Variants in ENPEP observed in about 807,000 individuals in gnomAD.
The protein encoded by ENPEP is glutamyl aminopeptidase.
In ENPEP, 103 loss-of-function variants were observed where a neutral mutation model predicts 114.5. The ratio of observed to expected loss-of-function variants is 0.90; its 90% CI spans 0.77 to 1.06. ENPEP has a LOEUF of 1.06. ENPEP is among the 50% of genes least tolerant of loss of function. The pLI is 0.00. For missense variants in ENPEP, 1,196 were observed against 1,161.3 expected, an observed-to-expected ratio of 1.03 and a Z score of -0.43; for synonymous variants, 420 against 422.0, an observed-to-expected ratio of 1.00 and a Z score of 0.06.
chr4:110,493,581 A>T (rs17041826), intron 3 of ENPEP, among the ~76,000 whole-genome samples: 56,244 of 151,918 alleles, frequency 0.37, 11,108 homozygotes, highest in East Asian at 0.51. Context: ...CTGAAAAAAC[A>T]GTGGGGCCGT....
intron 11 of ENPEP, among the ~76,000 whole-genome samples, chr4:110,532,276 A>T (rs554944999): frequency 6.6e-6 from 1 of 152,256 alleles, no homozygotes; most frequent in East Asian, 1.9e-4. Flanking sequence ...AGCCTCCCAT[A>T]TGCCCAGCCC....
intron 18 of ENPEP, among the ~76,000 whole-genome samples, chr4:110,558,270 TTATA>T (rs5861011): frequency 0.54 from 75,961 of 141,434 alleles, 20,437 homozygotes; most frequent in Admixed American, 0.64. Context: ...TTTATAAAAA[TTATA>T]TATATATATA....
At chr4:110,545,203 T>C (rs1727010114) in intron 13 of ENPEP, among the ~76,000 whole-genome samples, 1 of 152,102 alleles carries the variant, frequency 6.6e-6, no homozygotes, top group Non-Finnish European at 1.5e-5. Context: ...CAAAGGAATG[T>C]AGTAACCATT....
At chr4:110,542,069 T>C (rs1320907866) in intron 11 of ENPEP, among the ~76,000 whole-genome samples, 1 of 152,130 alleles carries the variant, frequency 6.6e-6, no homozygotes, top group Non-Finnish European at 1.5e-5. Flanking sequence ...GGAAAAGTAT[T>C]GTTGTAACCA....
Position 110,491,048 on chromosome 4 carries a change from G to A in ENPEP, c.802G>A (p.Asp268Asn), listed in dbSNP as rs1339772379. The change falls in exon 3 of 20, where the codon GAT (aspartate) becomes AAT (asparagine). Residue 268 changes from aspartate to asparagine, a missense_variant. By Grantham distance (23) the Asp-to-Asn change is conservative. Coordinates refer to ENST00000265162, the MANE Select transcript of ENPEP (RefSeq NM_001977.4). ...NMPVAKEESV[D>N]DKWTRTTFEK... Reference sequence around the variant, plus strand: ...TTTTCAATAGAAAGAAGAGTCAGTGGATGATAAATGGACTCGAACAACTTT... The same window carrying A: ...TTTTCAATAGAAAGAAGAGTCAGTGAATGATAAATGGACTCGAACAACTTT... 11 of 1,610,024 alleles carry A rather than the reference G, an allele frequency of 6.8e-6. No individual in the cohort carries two copies. The highest frequency in any genetic ancestry group is 2.2e-5 in the South Asian group (2 of 89,778).
rs758750567 is a variant in ENPEP at position 110,549,630 on chromosome 4, A to G, written c.2328A>G (p.Val776=). Reference sequence around the variant, plus strand: ...TTGAGCAGTGGCTAAATGGGACTGTAAGGTGATTACTCACATTGTTATGCT... The same window carrying G: ...TTGAGCAGTGGCTAAATGGGACTGTGAGGTGATTACTCACATTGTTATGCT... The part of the protein sequence containing the change: ...SLFEQWLNGT[V]SLPVNLRLLV... The change falls in exon 16 of 20, where the codon GTA becomes GTG. Residue 776 remains valine, a splice_region_variant and synonymous_variant. Coordinates refer to ENST00000265162, the MANE Select transcript of ENPEP (RefSeq NM_001977.4). The G allele has an allele frequency of 1.2e-6, 2 of 1,613,472 alleles. No homozygotes were observed. Among genetic ancestry groups the G allele is most frequent in the Admixed American group, 3.3e-5 (2 of 59,916 alleles).
chr4:110,499,449 T>C (rs1397061335), intron 3 of ENPEP, among the ~76,000 whole-genome samples: 2 of 152,224 alleles, frequency 1.3e-5, no homozygotes, highest in Admixed American at 1.3e-4. Context: ...ATTTTTCTCA[T>C]GTATACAATG....
intron 2 of ENPEP, among the ~76,000 whole-genome samples, chr4:110,489,712 G>A (rs1724631846): frequency 6.6e-6 from 1 of 152,208 alleles, no homozygotes; most frequent in Admixed American, 6.5e-5. Context: ...GTTACCTAGA[G>A]TTTCATTGCC....
chr4:110,547,699 A>G (rs1727120457), intron 13 of ENPEP, among the ~76,000 whole-genome samples: 1 of 152,092 alleles, frequency 6.6e-6, no homozygotes. Flanking sequence ...AGGACAATAA[A>G]AGTTCAATTT....
chr4:110,539,345 T>A (rs980200281), intron 11 of ENPEP, among the ~76,000 whole-genome samples: 7 of 152,160 alleles, frequency 4.6e-5, no homozygotes, highest in African/African-American at 1.4e-4. Flanking sequence ...GACTAATACT[T>A]TCTTGAATGG....
At chr4:110,506,528 T>C in intron 3 of ENPEP, 109 bp from the exon 4 acceptor site, 1 of 1,145,644 alleles carries the variant, frequency 8.7e-7, no homozygotes. Context: ...AAATTAGACA[T>C]ATCTGGCTCC....
intron 13 of ENPEP, among the ~76,000 whole-genome samples, chr4:110,545,815 G>A (rs1007690715): frequency 6.6e-6 from 1 of 151,990 alleles, no homozygotes; most frequent in African/African-American, 2.4e-5. Flanking sequence ...TCCATAGGAG[G>A]TTGTCATGTA....
rs3042468 is a variant in ENPEP at position 110,548,139 on chromosome 4, G to GTTTTTTTTTTTTTT, written c.2001-25_2001-12dup. ...GTCTGTGGTTTTTAATTAACTGTGA[G>GTTTTTTTTTTTTTT]TTTTTTTTTTTTTTTTTTTTTTTTT... On this transcript the variant is annotated intron_variant, in intron 13 of 19. Transcript: ENST00000265162. 6.9e-5 allele frequency: 48 copies of GTTTTTTTTTTTTTT among 692,110 alleles called. 6 individuals carry two copies. The highest frequency in any genetic ancestry group is 1.5e-4 in the South Asian group (4 of 26,346). 42.9% of individuals were successfully genotyped at this position (692,110 alleles called of 1,614,324 possible).
chr4:110,551,431 G>C (rs1371608144), intron 17 of ENPEP, among the ~76,000 whole-genome samples: 1 of 152,110 alleles, frequency 6.6e-6, no homozygotes, highest in East Asian at 1.9e-4. Flanking sequence ...TCTCACATTT[G>C]AGTGTGTTAC....
chr4:110,476,334 A>G lies in ENPEP; in HGVS notation c.-81A>G, dbSNP rs1315576914. On this transcript the variant is annotated 5_prime_UTR_variant, in exon 1 of 20. Transcript: ENST00000265162. ...GCTGCCAAATCAGGGGATTCCTTCC[A>G]ATTTAAAAAGGAAGTCTGCTGACGT... 2.1e-5 allele frequency: 31 copies of G among 1,477,246 alleles called. No individual in the cohort carries two copies. The highest frequency in any genetic ancestry group is 1.9e-4 in the Middle Eastern group (1 of 5,360). 91.5% of individuals were successfully genotyped at this position (1,477,246 alleles called of 1,614,324 possible).
chr4:110,501,105 T>C (rs566596714), intron 3 of ENPEP, among the ~76,000 whole-genome samples: 1 of 152,256 alleles, frequency 6.6e-6, no homozygotes, highest in South Asian at 2.1e-4. Flanking sequence ...GTCTTTAATA[T>C]AAAAATGTTT....
chr4:110,478,038 A>C (rs1410206504), intron 1 of ENPEP, among the ~76,000 whole-genome samples: 2 of 152,216 alleles, frequency 1.3e-5, no homozygotes, highest in Non-Finnish European at 2.9e-5. Flanking sequence ...TTGCTGGCTT[A>C]GATTCTGAAG....
Position 110,483,468 on chromosome 4 carries a change from GT to G in ENPEP, c.645-5063del, listed in dbSNP as rs978578452. Among the ~76,000 whole-genome samples the G allele has an allele frequency of 3.8e-4, 56 of 147,606 alleles. No individual in the cohort carries two copies. The Middle Eastern group carries it at 0.01, about 27-fold the overall frequency. ...ATGAGATAATTAGGTACCTTTTTTG[GT>G]TTTTTTTTTAGAGTCAATTCAGAGT... On this transcript the variant is annotated intron_variant, in intron 1 of 19. Transcript: ENST00000265162.
At chr4:110,560,899 AT>A (rs1471930936) in intron 19 of ENPEP, among the ~76,000 whole-genome samples, 1 of 152,188 alleles carries the variant, frequency 6.6e-6, no homozygotes, top group African/African-American at 2.4e-5. Flanking sequence ...TTTATAGCAA[AT>A]AATCCTAGTA....
Sources: gnomAD v4.1 joint callset for allele counts (sites outside exome capture counted in the v4.1 genomes callset) on GRCh38, gnomAD v4.1.1 for gene constraint, MANE v1.5 for transcripts, NCBI Gene and HGNC (gene_info 2026-07-23, HGNC 2026-07-21) for gene names.